Variants in OSBPL1A observed in about 807,000 individuals in gnomAD.
OSBPL1A encodes oxysterol-binding protein-related protein 1.
In OSBPL1A, 80 loss-of-function variants were observed where a neutral mutation model predicts 137.1. The observed-to-expected ratio is 0.58, with a 90% CI of 0.49 to 0.70. OSBPL1A has a LOEUF of 0.70. OSBPL1A is among the 30% of genes least tolerant of loss of function. The pLI, the probability that OSBPL1A is intolerant of heterozygous loss-of-function variation, is 0.00. For missense variants in OSBPL1A, 970 were observed against 1,129.4 expected (o/e 0.86, Z 2.02); for synonymous variants, 365 against 389.7 (o/e 0.94, Z 0.75).
intron 15 of OSBPL1A, among the ~76,000 whole-genome samples, chr18:24,251,483 T>C (rs2089096077): frequency 6.6e-6 from 1 of 152,258 alleles, no homozygotes; most frequent in South Asian, 2.1e-4. Context: ...CAGAGAATTC[T>C]TCCAGATCTT....
intron 4 of OSBPL1A, among the ~76,000 whole-genome samples, chr18:24,347,074 ATGC>A (rs151300180): frequency 0.023 from 3,512 of 152,226 alleles, 114 homozygotes; most frequent in African/African-American, 0.073. Context: ...GTTAGGAATT[ATGC>A]TGCTATGAAT....
intron 5 of OSBPL1A, among the ~76,000 whole-genome samples, chr18:24,339,065 G>A (rs552146552): frequency 3.9e-5 from 6 of 152,068 alleles, no homozygotes; most frequent in Non-Finnish European, 5.9e-5. Context: ...TCCGCCTCCC[G>A]GGTTCAAGTG....
At chr18:24,174,650 T>A (rs1316155427) in intron 21 of OSBPL1A, among the ~76,000 whole-genome samples, 1 of 152,228 alleles carries the variant, frequency 6.6e-6, no homozygotes, top group Non-Finnish European at 1.5e-5. Flanking sequence ...TTTACAATTA[T>A]TTTGATTTTA....
intron 14 of OSBPL1A, among the ~76,000 whole-genome samples, chr18:24,282,049 G>C (rs900804664): frequency 1.3e-5 from 2 of 152,080 alleles, no homozygotes; most frequent in Middle Eastern, 3.2e-3. Context: ...AGAACAGTTT[G>C]AGCCTGAAAC....
chr18:24,217,333 T>C (rs139468824), intron 17 of OSBPL1A, among the ~76,000 whole-genome samples: 1,629 of 149,442 alleles, frequency 0.011, 28 homozygotes, highest in African/African-American at 0.037. Context: ...TCTCAGCTCA[T>C]AGCAACCTCC....
At chr18:24,193,502 A>G (rs2086946885) in intron 18 of OSBPL1A, among the ~76,000 whole-genome samples, 1 of 152,046 alleles carries the variant, frequency 6.6e-6, no homozygotes. Context: ...AAAAAAAAAA[A>G]AAGTGGTAAT....
chr18:24,337,255 G>A (rs1044117252), intron 5 of OSBPL1A, among the ~76,000 whole-genome samples: 1 of 152,128 alleles, frequency 6.6e-6, no homozygotes, highest in African/African-American at 2.4e-5. Flanking sequence ...AATACTCTAG[G>A]AGGCCAAATT....
Position 24,332,951 on chromosome 18 carries a change from T to A in OSBPL1A, c.616A>T (p.Asn206Tyr). 6.2e-7 allele frequency: 1 copy of A among 1,613,822 alleles called. No homozygotes were observed. The highest frequency in any genetic ancestry group is 1.6e-4 in the Middle Eastern group (1 of 6,062). Residue 206 changes from asparagine (N) to tyrosine (Y), a missense_variant, in exon 7 of 28, where the codon AAC becomes TAC. Coordinates refer to ENST00000319481, the MANE Select transcript of OSBPL1A (RefSeq NM_080597.4). ...TCACCAATATGCTTACCATTTTTGT[T>A]CTTCAGATTAGGGTCTGCTCCACTT... ...LRSGADPNLKNKNDQKPLDLA... is the reference protein window; with the variant it reads ...LRSGADPNLKYKNDQKPLDLA...
intron 14 of OSBPL1A, among the ~76,000 whole-genome samples, chr18:24,300,224 T>C (rs557961650): frequency 6.6e-6 from 1 of 152,224 alleles, no homozygotes; most frequent in African/African-American, 2.4e-5. Flanking sequence ...ATAAAAGGTA[T>C]ATTTCAATAG....
chr18:24,346,098 G>T (rs962802959), intron 4 of OSBPL1A, among the ~76,000 whole-genome samples: 1 of 152,164 alleles, frequency 6.6e-6, no homozygotes, highest in Non-Finnish European at 1.5e-5. Context: ...CACAGAGTAT[G>T]TTTGGACCAG....
intron 4 of OSBPL1A, among the ~76,000 whole-genome samples, chr18:24,355,407 C>A (rs555624297): frequency 6.6e-6 from 1 of 151,756 alleles, no homozygotes; most frequent in South Asian, 2.1e-4. Flanking sequence ...GAGGGTGAGG[C>A]AGGAGATCAT....
Position 24,241,256 on chromosome 18 carries a change from A to G in OSBPL1A, c.1282-1874T>C, listed in dbSNP as rs551417473. 8.9e-4 allele frequency among the ~76,000 whole-genome samples: 135 copies of G among 152,366 alleles called. 1 individual carries two copies. The highest frequency in any genetic ancestry group is 3.1e-3 in the African/African-American group (129 of 41,586). On this transcript the variant is annotated intron_variant, in intron 15 of 27. Transcript: ENST00000319481. ...CTAAAATACCAAAAGCAATGGCAAC[A>G]AAAGCCAAAATGGACAAATGGGATC...
intron 14 of OSBPL1A, among the ~76,000 whole-genome samples, chr18:24,296,932 G>T (rs184090884): frequency 1.3e-5 from 2 of 152,242 alleles, no homozygotes; most frequent in African/African-American, 4.8e-5. Context: ...TTGCACCTAT[G>T]TTCATCAGGG....
chr18:24,176,935 C>T (rs2086464390), intron 21 of OSBPL1A, among the ~76,000 whole-genome samples: 2 of 152,358 alleles, frequency 1.3e-5, no homozygotes, highest in South Asian at 2.1e-4. Context: ...CTCTTAGACA[C>T]CAGGGGGCGC....
chr18:24,195,735 T>C (rs1307598173), intron 18 of OSBPL1A, among the ~76,000 whole-genome samples: 7 of 152,198 alleles, frequency 4.6e-5, no homozygotes, highest in Admixed American at 4.6e-4. Context: ...ATATTTAATA[T>C]ACCACACTTA....
intron 17 of OSBPL1A, among the ~76,000 whole-genome samples, chr18:24,224,494 G>A (rs1008047536): frequency 1.3e-5 from 2 of 151,970 alleles, no homozygotes; most frequent in African/African-American, 2.4e-5. Flanking sequence ...TCATTAATTC[G>A]GGACAATCTC....
chr18:24,300,871 G>A (rs2090387122), intron 14 of OSBPL1A, among the ~76,000 whole-genome samples: 1 of 152,112 alleles, frequency 6.6e-6, no homozygotes. Context: ...AGGCTGCAGT[G>A]CAATCACATG....
At chr18:24,314,549 C>A (rs2090683982) in intron 11 of OSBPL1A, among the ~76,000 whole-genome samples, 1 of 152,182 alleles carries the variant, frequency 6.6e-6, no homozygotes. Flanking sequence ...GTCTGGCTCT[C>A]AACTTCTTAG....
At chr18:24,371,921 A>G (rs1905671537) in intron 2 of OSBPL1A, among the ~76,000 whole-genome samples, 1 of 152,190 alleles carries the variant, frequency 6.6e-6, no homozygotes, top group Non-Finnish European at 1.5e-5. Flanking sequence ...CTCTGGCACT[A>G]CTTTTCCATA....
Sources: gnomAD v4.1 joint callset for allele counts (sites outside exome capture counted in the v4.1 genomes callset) on GRCh38, gnomAD v4.1.1 for gene constraint, MANE v1.5 for transcripts, NCBI Gene and HGNC (gene_info 2026-07-23, HGNC 2026-07-21) for gene names.